The following ITFG1 variants were observed in gnomAD, a reference collection of about 807,000 sequenced individuals.
ITFG1 encodes the protein T-cell immunomodulatory protein.
A neutral mutation model predicts 81.8 loss-of-function variants in ITFG1; 34 were observed. The ratio of observed to expected loss-of-function variants is 0.42; its 90% CI spans 0.32 to 0.55. The LOEUF (loss-of-function observed/expected upper bound fraction) is 0.55. Ranked by LOEUF, ITFG1 falls within the 20% of genes least tolerant of loss-of-function variation. The probability of loss-of-function intolerance (pLI) is 0.17; values close to 1 mark genes in which losing one functional copy is unlikely to be tolerated. For synonymous variants in ITFG1, 285 were observed against 270.6 expected (o/e 1.05, Z -0.52); for missense variants, 672 against 755.4 (o/e 0.89, Z 1.29).
intron 16 of ITFG1, among the ~76,000 whole-genome samples, chr16:47,159,485 C>T (rs146182146): frequency 2.4e-4 from 37 of 152,170 alleles, no homozygotes; most frequent in African/African-American, 8.4e-4. Context: ...TTGTGCAAAA[C>T]TTCTATAATT....
intron 8 of ITFG1, among the ~76,000 whole-genome samples, chr16:47,347,343 C>G (rs563239988): frequency 6.6e-6 from 1 of 152,242 alleles, no homozygotes; most frequent in South Asian, 2.1e-4. Flanking sequence ...GTCACTCCCA[C>G]CCTAATACCG....
chr16:47,160,579 G>A (rs1402314371), intron 16 of ITFG1, among the ~76,000 whole-genome samples: 1 of 151,896 alleles, frequency 6.6e-6, no homozygotes, highest in African/African-American at 2.4e-5. Context: ...ATACAATACA[G>A]GCTCATTAAA....
intron 5 of ITFG1, among the ~76,000 whole-genome samples, chr16:47,438,669 C>T (rs1017785906): frequency 7.9e-5 from 12 of 152,010 alleles, no homozygotes; most frequent in African/African-American, 2.9e-4. Context: ...GACATCCACA[C>T]AAAAAACTCA....
chr16:47,185,548 G>C (rs574304869), intron 14 of ITFG1, among the ~76,000 whole-genome samples: 50 of 152,244 alleles, frequency 3.3e-4, no homozygotes, highest in African/African-American at 1.2e-3. Flanking sequence ...AAATAAAGAT[G>C]TTCTTTGAAA....
intron 8 of ITFG1, among the ~76,000 whole-genome samples, chr16:47,333,179 A>G (rs1434914867): frequency 6.6e-6 from 1 of 152,140 alleles, no homozygotes; most frequent in Non-Finnish European, 1.5e-5. Context: ...AGGTTATTTT[A>G]TATGTACTAC....
chr16:47,295,805 C>T (rs948880760), intron 10 of ITFG1, among the ~76,000 whole-genome samples: 1 of 151,594 alleles, frequency 6.6e-6, no homozygotes, highest in Non-Finnish European at 1.5e-5. Flanking sequence ...TTATTTAGTA[C>T]TGCTTTAATT....
chr16:47,350,338 G>A (rs939733188), intron 8 of ITFG1, among the ~76,000 whole-genome samples: 1 of 152,054 alleles, frequency 6.6e-6, no homozygotes, highest in Non-Finnish European at 1.5e-5. Context: ...AAGAAGAAAA[G>A]AGAGAAGAAT....
In ITFG1 at chr16:47,454,122, C is replaced by T. The variant is rs767809420; in HGVS notation, c.318G>A (p.Gly106=). The change falls in exon 3 of 18, where the codon GGG becomes GGA. Residue 106 remains glycine (G), a synonymous_variant. Coordinates refer to ENST00000320640, the MANE Select transcript of ITFG1 (RefSeq NM_030790.5). ...CCATTTGAGAATCTCCATCATAATCCCCAGGGACTACACTTGTTATCAATG... is the reference window on the plus strand; with the variant it reads ...CCATTTGAGAATCTCCATCATAATCTCCAGGGACTACACTTGTTATCAATG... ...HSALITSVVP[G]DYDGDSQMDV... is the part of the protein sequence containing the mutation. 1.4e-4 allele frequency: 227 copies of T among 1,607,496 alleles called. No homozygotes were observed. Among genetic ancestry groups the T allele is most frequent in the Non-Finnish European group, 1.8e-4 (217 of 1,174,988 alleles).
Position 47,246,722 on chromosome 16 carries a change from A to G in ITFG1, c.1331-8714T>C, listed in dbSNP as rs138589913. Reference sequence around the variant, plus strand: ...GTCTTTAGCTACATTCAGTAATGATACTGCTTTTGTTAAGGAGTGCTACAG... The same window carrying G: ...GTCTTTAGCTACATTCAGTAATGATGCTGCTTTTGTTAAGGAGTGCTACAG... On this transcript the variant is annotated intron_variant, in intron 12 of 17. Transcript: ENST00000320640. Among the ~76,000 whole-genome samples, 12 of 152,254 alleles carry G rather than the reference A, an allele frequency of 7.9e-5. No homozygotes were observed. The East Asian group carries it at 2.3e-3, about 29-fold the overall frequency.
chr16:47,164,212 G>A (rs1449899832), intron 14 of ITFG1, among the ~76,000 whole-genome samples: 16 of 150,124 alleles, frequency 1.1e-4, no homozygotes, highest in Admixed American at 1.1e-3. Context: ...TGAATTCTGT[G>A]GATTCTGTAT....
intron 8 of ITFG1, among the ~76,000 whole-genome samples, chr16:47,346,120 C>T (rs1318608794): frequency 2.6e-5 from 4 of 152,122 alleles, no homozygotes; most frequent in African/African-American, 4.8e-5. Flanking sequence ...CAGTTGGTTT[C>T]GATATCAGAG....
chr16:47,325,343 A>G (rs1967518905), intron 8 of ITFG1, among the ~76,000 whole-genome samples: 1 of 152,236 alleles, frequency 6.6e-6, no homozygotes, highest in Admixed American at 6.5e-5. Flanking sequence ...AGGGAAATTT[A>G]TAGCACTAAA....
At chr16:47,273,744 T>C (rs1340316246) in intron 10 of ITFG1, among the ~76,000 whole-genome samples, 1 of 152,156 alleles carries the variant, frequency 6.6e-6, no homozygotes, top group Admixed American at 6.5e-5. Flanking sequence ...AAATATTTTG[T>C]CATGTTTTAA....
intron 12 of ITFG1, among the ~76,000 whole-genome samples, chr16:47,253,909 C>T (rs1451000454): frequency 2.0e-5 from 3 of 151,926 alleles, no homozygotes; most frequent in Non-Finnish European, 2.9e-5. Context: ...GGGACCCCTG[C>T]GTTAGGGTGT....
intron 14 of ITFG1, among the ~76,000 whole-genome samples, chr16:47,172,899 T>C (rs1964978680): frequency 6.6e-6 from 1 of 152,208 alleles, no homozygotes; most frequent in African/African-American, 2.4e-5. Flanking sequence ...TCCTATGTCC[T>C]ACTTAGTGTA....
chr16:47,212,098 T>C (rs1275689035), intron 14 of ITFG1, among the ~76,000 whole-genome samples: 2 of 152,104 alleles, frequency 1.3e-5, no homozygotes, highest in Admixed American at 6.6e-5. Context: ...TCATGAGGAC[T>C]ATCTGTCTAC....
intron 1 of ITFG1, among the ~76,000 whole-genome samples, chr16:47,459,593 G>A (rs1969497408): frequency 6.6e-6 from 1 of 152,182 alleles, no homozygotes; most frequent in Non-Finnish European, 1.5e-5. Context: ...CAAGGATGCA[G>A]GGACTCCCAT....
intron 10 of ITFG1, 143 bp from the exon 11 acceptor site, chr16:47,260,838 G>C: frequency 1.1e-6 from 1 of 894,474 alleles, no homozygotes; most frequent in Non-Finnish European, 1.7e-6. Flanking sequence ...TTTGTTTATA[G>C]TACTGTCATT....
chr16:47,381,494 C>T (rs992051715), intron 6 of ITFG1, among the ~76,000 whole-genome samples: 2 of 152,008 alleles, frequency 1.3e-5, no homozygotes, highest in Non-Finnish European at 2.9e-5. Context: ...GTTAATAAAA[C>T]ATTCGTAGTA....
Sources: allele counts gnomAD v4.1 joint callset (sites outside exome capture counted in the v4.1 genomes callset), GRCh38; gene constraint gnomAD v4.1.1; transcripts MANE v1.5; gene names NCBI Gene and HGNC (gene_info 2026-07-23, HGNC 2026-07-21).